The following PCNX3 variants were observed in gnomAD, a reference collection of about 807,000 sequenced individuals.
PCNX3 encodes pecanex-like protein 3.
In PCNX3, 58 loss-of-function variants were observed where a neutral mutation model predicts 207.2. The observed-to-expected ratio is 0.28, with a 90% CI of 0.23 to 0.35. PCNX3 has a LOEUF of 0.35. Ranked by LOEUF, PCNX3 falls within the 10% of genes least tolerant of loss-of-function variation. The probability of loss-of-function intolerance (pLI) is 1.00; values close to 1 mark genes in which losing one functional copy is unlikely to be tolerated. For synonymous variants in PCNX3, 1,337 were observed against 1,183.5 expected, an observed-to-expected ratio of 1.13 and a Z score of -2.66; for missense variants, 2,410 against 2,774.4, an observed-to-expected ratio of 0.87 and a Z score of 2.95.
intron 29 of PCNX3, 130 bp downstream of exon 29, chr11:65,634,771 C>A: frequency 8.4e-7 from 1 of 1,184,006 alleles, no homozygotes; most frequent in Non-Finnish European, 1.2e-6. Context: ...TACCTCTTCT[C>A]CCACGGGCAG....
In PCNX3 at chr11:65,620,882, T is replaced by A; in HGVS notation, c.2151T>A (p.Ala717=). 6.3e-7 allele frequency: 1 copy of A among 1,580,334 alleles called. No individual in the cohort carries two copies. The highest frequency in any genetic ancestry group is 2.3e-5 in the East Asian group (1 of 42,648). Reference sequence around the variant, plus strand: ...TCCACTCGGCTGATGTCCCTGAGGCTACAGGCGGCCTGAACCTGCTGCAGC... The same window carrying A: ...TCCACTCGGCTGATGTCCCTGAGGCAACAGGCGGCCTGAACCTGCTGCAGC... The part of the protein sequence containing the change: ...SSFHSADVPE[A]TGGLNLLQPR... The change falls in exon 10 of 35, where the codon GCT becomes GCA. Residue 717 remains alanine, a synonymous_variant. Coordinates refer to ENST00000355703, the MANE Select transcript of PCNX3 (RefSeq NM_032223.4).
chr11:65,628,696 C>G lies in PCNX3; in HGVS notation c.3804C>G (p.Ala1268=). The G allele has an allele frequency of 6.4e-7, 1 of 1,561,154 alleles. No homozygotes were observed. The highest frequency in any genetic ancestry group is 1.1e-5 in the South Asian group (1 of 90,134). The change falls in exon 23 of 35, where the codon GCC becomes GCG. Residue 1268 remains alanine (A), a synonymous_variant. Transcript: ENST00000355703. ...SAFHAFAQPF[A]VPHSAMLFVQ... Reference sequence around the variant, plus strand: ...TCCACGCTTTTGCCCAGCCGTTTGCCGTGCCACGTATCCAGCCTGTGTTTG... The same window carrying G: ...TCCACGCTTTTGCCCAGCCGTTTGCGGTGCCACGTATCCAGCCTGTGTTTG...
intron 9 of PCNX3, 45 bp downstream of exon 9, chr11:65,620,474 T>C: frequency 6.3e-7 from 1 of 1,590,780 alleles, no homozygotes; most frequent in Non-Finnish European, 8.6e-7. Flanking sequence ...CTTGGTGGCC[T>C]GCATCTCTGG....
intron 26 of PCNX3, 140 bp from the exon 27 acceptor site, chr11:65,630,211 G>T: frequency 4.0e-6 from 5 of 1,236,392 alleles, no homozygotes; most frequent in East Asian, 2.6e-5. Flanking sequence ...CGTGAATCTT[G>T]GCATCCAATA....
Position 65,617,671 on chromosome 11 carries a change from G to A in PCNX3, c.542G>A (p.Arg181Gln), listed in dbSNP as rs538040146. 5.7e-6 allele frequency: 9 copies of A among 1,582,718 alleles called. No homozygotes were observed. The highest frequency in any genetic ancestry group is 5.4e-5 in the African/African-American group (4 of 74,506). The part of the protein sequence containing the change: ...SNNVIVTSAD[R>Q]EMLKLSSQEK... ...AATGTGATCGTGACTTCTGCCGACCGAGAGATGCTGAAGCTCAGCTCGCAG... is the reference window on the plus strand; with the variant it reads ...AATGTGATCGTGACTTCTGCCGACCAAGAGATGCTGAAGCTCAGCTCGCAG... The change falls in exon 5 of 35, where the codon CGA (arginine) becomes CAA (glutamine). Residue 181 changes from arginine to glutamine, a missense_variant. By Grantham distance (43) the Arg-to-Gln change is conservative. This residue lies in a region of PCNX3 where 1,104 missense variants were observed against 970.3 expected (regional missense o/e 1.14). Coordinates refer to ENST00000355703, the MANE Select transcript of PCNX3 (RefSeq NM_032223.4).
chr11:65,618,628 A>C lies in PCNX3; in HGVS notation c.1266A>C (p.Glu422Asp). 2 of 1,612,890 alleles carry C rather than the reference A, an allele frequency of 1.2e-6. No homozygotes were observed. The highest frequency in any genetic ancestry group is 1.7e-6 in the Non-Finnish European group (2 of 1,179,812). ...AAGGTGGGGGCTTCTTTGAGGATGA[A>C]GACACTAGTGAGGGCAGTGAACTGA... is the stretch of plus-strand genomic sequence containing the variant. Reference protein sequence around the residue: ...LLEGGGFFEDEDTSEGSELSP... With the variant: ...LLEGGGFFEDDDTSEGSELSP... The change falls in exon 6 of 35, where the codon GAA becomes GAC. Residue 422 changes from glutamate to aspartate, a missense_variant. Around this residue, in one of 8 missense-constraint regions of PCNX3, gnomAD observed 1,104 missense variants for 970.3 expected, o/e 1.14. Coordinates refer to ENST00000355703, the MANE Select transcript of PCNX3 (RefSeq NM_032223.4).
chr11:65,636,318 G>C lies in PCNX3; in HGVS notation c.5593+11G>C. 1 of 1,611,164 alleles carries C rather than the reference G, an allele frequency of 6.2e-7. No individual in the cohort carries two copies. Among genetic ancestry groups the C allele is most frequent in the Non-Finnish European group, 8.5e-7 (1 of 1,178,616 alleles). ...CTGAGAACACGGCAGGTGAGCAGGC[G>C]AGGCTGGGCTGAACCCGTGGGTGAG... is the stretch of plus-strand genomic sequence containing the variant. On this transcript the variant is annotated intron_variant, in intron 33 of 34. Coordinates refer to ENST00000355703, the MANE Select transcript of PCNX3 (RefSeq NM_032223.4).
intron 10 of PCNX3, among the ~76,000 whole-genome samples, chr11:65,621,481 C>T (rs371394600): frequency 1.1e-4 from 17 of 152,240 alleles, no homozygotes; most frequent in African/African-American, 3.9e-4. Context: ...GCGTGAAACG[C>T]CATCTTAGAG....
chr11:65,620,353 T>A lies in PCNX3; in HGVS notation c.2023T>A (p.Tyr675Asn). Reference sequence around the variant, plus strand: ...CCCTGCCCCAGGTGTGCGGCGTTCCTACACCTTTGGCCTGGCTGGAGGCGG... The same window carrying A: ...CCCTGCCCCAGGTGTGCGGCGTTCCAACACCTTTGGCCTGGCTGGAGGCGG... Reference protein sequence around the residue: ...FYDESGVRRSYTFGLAGGGYE... With the variant: ...FYDESGVRRSNTFGLAGGGYE... The change falls in exon 9 of 35, where the codon TAC becomes AAC. Residue 675 changes from tyrosine to asparagine, a missense_variant. This residue lies in a region of PCNX3 where 1,104 missense variants were observed against 970.3 expected (regional missense o/e 1.14). Coordinates refer to ENST00000355703, the MANE Select transcript of PCNX3 (RefSeq NM_032223.4). 6.2e-7 allele frequency: 1 copy of A among 1,613,436 alleles called. No individual in the cohort carries two copies. Among genetic ancestry groups the A allele is most frequent in the Non-Finnish European group, 8.5e-7 (1 of 1,179,726 alleles).
chr11:65,635,695 C>T lies in PCNX3; in HGVS notation c.5351C>T (p.Ser1784Leu). 1 of 1,611,248 alleles carries T rather than the reference C, an allele frequency of 6.2e-7. No individual in the cohort carries two copies. Among genetic ancestry groups the T allele is most frequent in the Non-Finnish European group, 8.5e-7 (1 of 1,179,050 alleles). ...CCGCTGGGCTACCCCATCTACGTGTCGCCTCTCACCACCTCGCTGGCTGGC... is the reference window on the plus strand; with the variant it reads ...CCGCTGGGCTACCCCATCTACGTGTTGCCTCTCACCACCTCGCTGGCTGGC... ...DQPLGYPIYV[S>L]PLTTSLAGSH... is the part of the protein sequence containing the mutation. Residue 1784 changes from serine (S) to leucine (L), a missense_variant, in exon 32 of 35, where the codon TCG becomes TTG. This residue lies in a region of PCNX3 where 21 missense variants were observed against 79.2 expected (regional missense o/e 0.27). Coordinates refer to ENST00000355703, the MANE Select transcript of PCNX3 (RefSeq NM_032223.4). The surrounding 1 kb of genome is among the most constrained non-coding windows in gnomAD (Gnocchi z 9.9).
chr11:65,616,619 G>A (rs1854743092), intron 1 of PCNX3, among the ~76,000 whole-genome samples, 155 bp downstream of exon 1: 1 of 152,168 alleles, frequency 6.6e-6, no homozygotes, highest in African/African-American at 2.4e-5. Flanking sequence ...TTCCTTTCTT[G>A]GATCGAGTGA....
At chr11:65,626,789 C>G in intron 20 of PCNX3, 115 bp from the exon 21 acceptor site, 1 of 1,460,070 alleles carries the variant, frequency 6.8e-7, no homozygotes, top group South Asian at 1.3e-5. Flanking sequence ...ATCAGCCCCT[C>G]CCCCCAGGGT....
In PCNX3 at chr11:65,636,878, C is replaced by A; in HGVS notation, c.6005C>A (p.Pro2002His). The change falls in exon 35 of 35, where the codon CCT (proline) becomes CAT (histidine). Residue 2002 changes from proline to histidine, a missense_variant. By Grantham distance (77) the Pro-to-His change is moderately conservative. This residue lies in a region of PCNX3 where 278 missense variants were observed against 245.1 expected (regional missense o/e 1.13). Coordinates refer to ENST00000355703, the MANE Select transcript of PCNX3 (RefSeq NM_032223.4). ...ATTCCTTGCTTGGACAGCAGTGCCC[C>A]TGAGAGTGGCACACCTATGGGTGCC... is the stretch of plus-strand genomic sequence containing the variant. ...QDIPCLDSSA[P>H]ESGTPMGALG... is the part of the protein sequence containing the mutation. 6.4e-7 allele frequency: 1 copy of A among 1,552,634 alleles called. No individual in the cohort carries two copies. The highest frequency in any genetic ancestry group is 1.2e-5 in the South Asian group (1 of 84,172).
At chr11:65,626,872 G>T in intron 20 of PCNX3, 32 bp from the exon 21 acceptor site, 1 of 1,568,700 alleles carries the variant, frequency 6.4e-7, no homozygotes, top group Non-Finnish European at 8.6e-7. Flanking sequence ...GCATGTGGAA[G>T]CCAGGTGCAG....
At position 65,636,642 on chromosome 11, in the gene PCNX3, G is replaced by A. The variant is rs746744180; in HGVS notation, c.5845G>A (p.Gly1949Arg). 3.0e-5 allele frequency: 47 copies of A among 1,585,492 alleles called. 1 individual carries two copies. In the South Asian group the frequency reaches 5.0e-4, roughly 17 times the overall value. ...CCGGAAGGGGCTGGGAGGATCTGACGGGGAGCCAGCCTCAGGGAGCCCCAA... is the reference window on the plus strand; with the variant it reads ...CCGGAAGGGGCTGGGAGGATCTGACAGGGAGCCAGCCTCAGGGAGCCCCAA... Reference protein sequence around the residue: ...GGRKGLGGSDGEPASGSPKGG... With the variant: ...GGRKGLGGSDREPASGSPKGG... The change falls in exon 34 of 35, where the codon GGG (glycine) becomes AGG (arginine). Residue 1949 changes from glycine to arginine, a missense_variant. By Grantham distance (125) the Gly-to-Arg change is moderately radical (BLOSUM62 -2). Transcript: ENST00000355703.
intron 26 of PCNX3, 106 bp downstream of exon 26, chr11:65,629,841 C>G (rs1284470159): frequency 3.8e-6 from 5 of 1,304,702 alleles, no homozygotes; most frequent in East Asian, 5.0e-5. Context: ...TCTGTCCAGG[C>G]TGGCGGGTGG....
rs761989252 is a variant in PCNX3 at position 65,625,868 on chromosome 11, C to G, written c.3229-36C>G. The G allele has an allele frequency of 6.2e-7, 1 of 1,605,158 alleles. No individual in the cohort carries two copies. The stretch of plus-strand genomic sequence containing the variant: ...GCCCTCTGTGGTCCCTTGGCCTGCT[C>G]CCATCAGCTGAGTCTCTGGCCTCTC... On this transcript the variant is annotated intron_variant, in intron 19 of 34. Coordinates refer to ENST00000355703, the MANE Select transcript of PCNX3 (RefSeq NM_032223.4). This position sits in a 1 kb window ranked among gnomAD's most constrained non-coding sequence, Gnocchi z 5.6.
Position 65,636,519 on chromosome 11 carries a change from G to T in PCNX3, c.5722G>T (p.Ala1908Ser), listed in dbSNP as rs1855849018. The change falls in exon 34 of 35, where the codon GCA becomes TCA. Residue 1908 changes from alanine to serine, a missense_variant. Ala to Ser is a moderately conservative substitution (Grantham distance 99). Transcript: ENST00000355703. ...CCCTCGGCTCCCTGGACCACCCCCT[G>T]CATCGCCTATCCCCACAGAGGGTCC... ...PPPRLPGPPP[A>S]SPIPTEGPRT... 10 of 1,584,878 alleles carry T rather than the reference G, an allele frequency of 6.3e-6. No homozygotes were observed. Among genetic ancestry groups the T allele is most frequent in the Non-Finnish European group, 8.6e-6 (10 of 1,167,476 alleles).
rs1433296445 is a variant in PCNX3 at position 65,618,983 on chromosome 11, C to G, written c.1621C>G (p.Leu541Val). 55 of 1,602,056 alleles carry G rather than the reference C, an allele frequency of 3.4e-5. No homozygotes were observed. The highest frequency in any genetic ancestry group is 4.5e-5 in the Non-Finnish European group (53 of 1,178,118). ...VEQAASEPVV[L>V]PAEARRGPAA... ...GCAGGCTGCTAGTGAGCCTGTTGTGCTGCCTGCTGAGGCGCGAAGGGGACC... is the reference window on the plus strand; with the variant it reads ...GCAGGCTGCTAGTGAGCCTGTTGTGGTGCCTGCTGAGGCGCGAAGGGGACC... The change falls in exon 6 of 35, where the codon CTG becomes GTG. Residue 541 changes from leucine (L) to valine (V), a missense_variant. Leu to Val is a conservative substitution (Grantham distance 32). Around this residue, in one of 8 missense-constraint regions of PCNX3, gnomAD observed 1,104 missense variants for 970.3 expected, o/e 1.14. Transcript: ENST00000355703.
Sources: gnomAD v4.1 joint callset for allele counts (sites outside exome capture counted in the v4.1 genomes callset) on GRCh38, gnomAD v4.1.1 for gene constraint, gnomAD v4.1.1 regional missense constraint, Gnocchi (gnomAD v3.1) non-coding constraint, MANE v1.5 for transcripts, NCBI Gene and HGNC (gene_info 2026-07-23, HGNC 2026-07-21) for gene names.